FBXL20: variants seen among roughly 807,000 people sequenced by gnomAD.
FBXL20 encodes F-box/LRR-repeat protein 20.
In FBXL20, 11 loss-of-function variants were observed where a neutral mutation model predicts 64.0. The ratio of observed to expected loss-of-function variants is 0.17; its 90% CI spans 0.11 to 0.28. FBXL20 has a LOEUF of 0.28. FBXL20 is among the 10% of genes least tolerant of loss of function. The pLI is 1.00. For synonymous variants in FBXL20, 184 were observed against 189.0 expected, an observed-to-expected ratio of 0.97 and a Z score of 0.22; for missense variants, 303 against 526.2, an observed-to-expected ratio of 0.58 and a Z score of 4.15.
Position 39,281,466 on chromosome 17 carries a change from A to G in FBXL20, c.622-3T>C. 1 of 1,611,396 alleles carries G rather than the reference A, an allele frequency of 6.2e-7. No homozygotes were observed. The highest frequency in any genetic ancestry group is 8.5e-7 in the Non-Finnish European group (1 of 1,178,384). ...TACTTGAGAGCTTCATCTTCTAGCT[A>G]GAAAGATTAAAAAGTAAGAAAAAAA... On this transcript the variant is annotated splice_polypyrimidine_tract_variant and splice_region_variant and intron_variant, in intron 8 of 14. Coordinates refer to ENST00000264658, the MANE Select transcript of FBXL20 (RefSeq NM_032875.3).
chr17:39,297,100 TATC>T (rs2047093192), intron 6 of FBXL20, 24 bp downstream of exon 6: 11 of 1,564,446 alleles, frequency 7.0e-6, no homozygotes, highest in Non-Finnish European at 9.7e-6. Flanking sequence ...GGTTATGACT[TATC>T]CTCCAAAAAC....
At chr17:39,391,678 A>C (rs576093296) in intron 1 of FBXL20, among the ~76,000 whole-genome samples, 1 of 152,348 alleles carries the variant, frequency 6.6e-6, no homozygotes, top group South Asian at 2.1e-4. Context: ...TAATTTCAAA[A>C]TAATAACATC....
intron 7 of FBXL20, among the ~76,000 whole-genome samples, chr17:39,284,531 C>A (rs1031731222): frequency 1.3e-5 from 2 of 152,136 alleles, no homozygotes; most frequent in Admixed American, 6.6e-5. Context: ...CAGGGGTATG[C>A]CACCACGCCT....
In FBXL20 at chr17:39,299,010, T is replaced by C. The variant is rs749707100; in HGVS notation, c.309A>G (p.Gly103=). ...LRKLSLRGCL[G]VGDNALRTFA... is the part of the protein sequence containing the mutation. ...TTTACCTTAATGCATTGTCTCCCAC[T>C]CCAAGACATCCACGAAGACTTAACT... Residue 103 remains glycine (G), a synonymous_variant, in exon 5 of 15, where the codon GGA becomes GGG. Coordinates refer to ENST00000264658, the MANE Select transcript of FBXL20 (RefSeq NM_032875.3). 4.3e-6 allele frequency: 7 copies of C among 1,613,576 alleles called. No individual in the cohort carries two copies. The highest frequency in any genetic ancestry group is 5.9e-6 in the Non-Finnish European group (7 of 1,179,784).
chr17:39,301,556 C>T (rs1450642945), intron 3 of FBXL20, among the ~76,000 whole-genome samples: 6 of 151,808 alleles, frequency 4.0e-5, no homozygotes, highest in South Asian at 4.2e-4. Flanking sequence ...GGTGAAACCC[C>T]GTCTCTACTA....
chr17:39,375,299 G>C (rs1259926593), intron 1 of FBXL20, among the ~76,000 whole-genome samples: 1 of 152,046 alleles, frequency 6.6e-6, no homozygotes, highest in Non-Finnish European at 1.5e-5. Context: ...TAAGGTACTG[G>C]AGCTCTTCAG....
intron 2 of FBXL20, among the ~76,000 whole-genome samples, chr17:39,319,541 T>G (rs2047330520): frequency 6.6e-6 from 1 of 151,714 alleles, no homozygotes. Flanking sequence ...AAAAATTAGC[T>G]GGGCGTGGTG....
intron 1 of FBXL20, among the ~76,000 whole-genome samples, chr17:39,347,236 T>C (rs1342231171): frequency 2.6e-5 from 4 of 152,184 alleles, no homozygotes; most frequent in Non-Finnish European, 5.9e-5. Context: ...AAATGGTTAT[T>C]TCTAGTTGTA....
intron 2 of FBXL20, among the ~76,000 whole-genome samples, chr17:39,309,888 C>A (rs11654543): frequency 6.6e-6 from 1 of 151,118 alleles, no homozygotes; most frequent in Admixed American, 6.6e-5. Flanking sequence ...GTGGCTCACA[C>A]CTGTAATCCC....
chr17:39,310,585 T>C (rs1407044921), intron 2 of FBXL20, among the ~76,000 whole-genome samples: 1 of 152,070 alleles, frequency 6.6e-6, no homozygotes, highest in Non-Finnish European at 1.5e-5. Context: ...CAGTGGCTCA[T>C]GCCTATAACC....
intron 1 of FBXL20, among the ~76,000 whole-genome samples, chr17:39,383,590 CTTTT>C (rs545087479): frequency 2.3e-5 from 3 of 128,542 alleles, no homozygotes; most frequent in Admixed American, 8.0e-5. Flanking sequence ...ACTTTATATG[CTTTT>C]TTTTTTTTTT....
At chr17:39,267,496 G>A (rs1248482882) in intron 12 of FBXL20, among the ~76,000 whole-genome samples, 12 of 152,138 alleles carry the variant, frequency 7.9e-5, no homozygotes, top group Non-Finnish European at 5.9e-5. Flanking sequence ...AGATAGTGCA[G>A]TGCTCTATGA....
intron 3 of FBXL20, among the ~76,000 whole-genome samples, chr17:39,301,659 C>T (rs754769314): frequency 4.0e-4 from 60 of 151,778 alleles, no homozygotes; most frequent in Non-Finnish European, 7.9e-4. Flanking sequence ...ACCTGGGAGG[C>T]GGAGGTTGCA....
chr17:39,323,042 T>C (rs1478690462), intron 2 of FBXL20, among the ~76,000 whole-genome samples: 1 of 151,054 alleles, frequency 6.6e-6, no homozygotes, highest in Non-Finnish European at 1.5e-5. Context: ...CAATCTCGGC[T>C]CACTGCAAGC....
rs2048013596 is a variant in FBXL20 at position 39,380,724 on chromosome 17, T to C, written c.42+20637A>G. On this transcript the variant is annotated intron_variant, in intron 1 of 14. Transcript: ENST00000264658. The stretch of plus-strand genomic sequence containing the variant: ...TAAACTCCATTAGAGCAGGACTTTT[T>C]GTCCACTTTTATACGCTCAGCATCT... Among the ~76,000 whole-genome samples the C allele has an allele frequency of 3.9e-5, 6 of 152,320 alleles. No individual in the cohort carries two copies. In the South Asian group the frequency reaches 1.2e-3, roughly 32 times the overall value.
In FBXL20 at chr17:39,274,990, A is replaced by C; in HGVS notation, c.807T>G (p.Gly269=). Residue 269 remains glycine, a synonymous_variant, in exon 10 of 15, where the codon GGT becomes GGG. Coordinates refer to ENST00000264658, the MANE Select transcript of FBXL20 (RefSeq NM_032875.3). ...TTTACCTAAGCCGTGGGCAGTTCTG[A>C]CCTAGAGCATTCAGGATGGCATCTG... is the stretch of plus-strand genomic sequence containing the variant. The part of the protein sequence containing the change: ...NITDAILNAL[G]QNCPRLRILE... 6.2e-7 allele frequency: 1 copy of C among 1,614,012 alleles called. No homozygotes were observed. Among genetic ancestry groups the C allele is most frequent in the Non-Finnish European group, 8.5e-7 (1 of 1,180,006 alleles).
rs952710460 is a variant in FBXL20 at position 39,325,215 on chromosome 17, T to A, written c.104+17965A>T. On this transcript the variant is annotated intron_variant, in intron 2 of 14. Transcript: ENST00000264658. Reference sequence around the variant, plus strand: ...AGAGACCCTGTCTCAAAAAAAATAGTAGTAATAATCATTCCTCAGACAAAA... The same window carrying A: ...AGAGACCCTGTCTCAAAAAAAATAGAAGTAATAATCATTCCTCAGACAAAA... Among the ~76,000 whole-genome samples, 2 of 152,098 alleles carry A rather than the reference T, an allele frequency of 1.3e-5. 1 individual carries two copies. The highest frequency in any genetic ancestry group is 4.1e-4 in the South Asian group (2 of 4,824).
chr17:39,322,541 AGTGGATC>A (rs1383239313), intron 2 of FBXL20, among the ~76,000 whole-genome samples: 1 of 152,166 alleles, frequency 6.6e-6, no homozygotes, highest in Non-Finnish European at 1.5e-5. Flanking sequence ...ATAAAAGTTA[AGTGGATC>A]GTTATATTGA....
chr17:39,325,877 T>C (rs1597798990), intron 2 of FBXL20, among the ~76,000 whole-genome samples: 1 of 152,256 alleles, frequency 6.6e-6, no homozygotes. Context: ...AATCCTGATA[T>C]AGTTTGAATG....
Sources: allele counts gnomAD v4.1 joint callset (sites outside exome capture counted in the v4.1 genomes callset), GRCh38; gene constraint gnomAD v4.1.1; transcripts MANE v1.5; gene names NCBI Gene and HGNC (gene_info 2026-07-23, HGNC 2026-07-21).